Variants in MFHAS1 observed in about 807,000 individuals in gnomAD.
MFHAS1 encodes multifunctional ROCO family signaling regulator 1.
In MFHAS1, 50 loss-of-function variants were observed where a neutral mutation model predicts 70.4. The observed-to-expected ratio is 0.71, with a 90% CI of 0.57 to 0.90. The LOEUF is 0.90. MFHAS1 is among the 40% of genes least tolerant of loss of function. The pLI is 0.00. For missense variants in MFHAS1, 1,795 were observed against 1,347.6 expected (o/e 1.33, Z -5.20); for synonymous variants, 952 against 620.0 (o/e 1.54, Z -7.96).
intron 1 of MFHAS1, among the ~76,000 whole-genome samples, chr8:8,854,980 G>A (rs1459328710): frequency 3.3e-5 from 5 of 152,082 alleles, no homozygotes; most frequent in Non-Finnish European, 5.9e-5. Flanking sequence ...TACTATCACA[G>A]CTCACTGCAG....
At chr8:8,879,920 G>A (rs958278837) in intron 1 of MFHAS1, among the ~76,000 whole-genome samples, 1 of 152,096 alleles carries the variant, frequency 6.6e-6, no homozygotes, top group African/African-American at 2.4e-5. Context: ...CCTTCATTAG[G>A]TCTTGCCAGT....
Position 8,783,669 on chromosome 8 carries a change from G to C in MFHAS1, c.*2353C>G, listed in dbSNP as rs1421055444. The stretch of plus-strand genomic sequence containing the variant: ...CAGGAATAGAAACCCTAACAAACTT[G>C]GAGGGCATTTGTTTGAGAGGCAAGG... On this transcript the variant is annotated 3_prime_UTR_variant, in exon 3 of 3. Transcript: ENST00000276282. 1.3e-5 allele frequency: 2 copies of C among 152,074 alleles called. No homozygotes were observed. Among genetic ancestry groups the C allele is most frequent in the African/African-American group, 2.4e-5 (1 of 41,416 alleles). 9.4% of individuals were successfully genotyped at this position (152,074 alleles called of 1,614,324 possible). A position where few individuals can be genotyped will look rare whatever the true frequency, so the allele number is the denominator to read the frequency against.
intron 1 of MFHAS1, among the ~76,000 whole-genome samples, chr8:8,833,330 C>T (rs73504224): frequency 0.034 from 5,196 of 152,222 alleles, 233 homozygotes; most frequent in African/African-American, 0.11. Flanking sequence ...TTGGCAGCTT[C>T]CTATAAAGCT....
At chr8:8,824,521 T>TCA (rs57194505) in intron 1 of MFHAS1, among the ~76,000 whole-genome samples, 5,385 of 145,724 alleles carry the variant, frequency 0.037, 119 homozygotes, top group Non-Finnish European at 0.047. Flanking sequence ...TCTCTCTCTT[T>TCA]CACACACACA....
chr8:8,795,870 T>C (rs1255986247), intron 2 of MFHAS1, among the ~76,000 whole-genome samples: 2 of 152,194 alleles, frequency 1.3e-5, no homozygotes, highest in Non-Finnish European at 2.9e-5. Context: ...CTTAGATTCA[T>C]ACATAATTTT....
intron 1 of MFHAS1, among the ~76,000 whole-genome samples, chr8:8,818,564 C>G (rs906767681): frequency 6.6e-6 from 1 of 152,238 alleles, no homozygotes; most frequent in African/African-American, 2.4e-5. Context: ...CTCATCTGTG[C>G]TCTGTGGATA....
At chr8:8,868,637 A>T (rs1281626568) in intron 1 of MFHAS1, among the ~76,000 whole-genome samples, 1 of 152,138 alleles carries the variant, frequency 6.6e-6, no homozygotes, top group Non-Finnish European at 1.5e-5. Context: ...TCACAAACCC[A>T]CAATGAAATA....
chr8:8,831,595 A>G (rs975496356), intron 1 of MFHAS1, among the ~76,000 whole-genome samples: 13 of 151,942 alleles, frequency 8.6e-5, no homozygotes, highest in Non-Finnish European at 1.8e-4. Context: ...GTTCAGAAAT[A>G]GACAAACACA....
At chr8:8,856,877 T>G (rs1358575606) in intron 1 of MFHAS1, among the ~76,000 whole-genome samples, 1 of 147,692 alleles carries the variant, frequency 6.8e-6, no homozygotes, top group Non-Finnish European at 1.5e-5. Context: ...GTTTATACAC[T>G]GCCCTAGAAG....
Position 8,891,289 on chromosome 8 carries a change from G to A in MFHAS1, c.1770C>T (p.Ser590=). ...LARDFELRSA[S]PHAAYYGVSD... is the part of the protein sequence containing the mutation. ...AAACGCCATAGTAGGCTGCGTGGGG[G>A]CTGGCAGAGCGCAGCTCGAAGTCCC... is the stretch of plus-strand genomic sequence containing the variant. The change falls in exon 1 of 3, where the codon AGC becomes AGT. Residue 590 remains serine, a synonymous_variant. Transcript: ENST00000276282. The surrounding 1 kb of genome is among the most constrained non-coding windows in gnomAD (Gnocchi z 5.4). 6.2e-7 allele frequency: 1 copy of A among 1,611,654 alleles called. No homozygotes were observed.
intron 1 of MFHAS1, among the ~76,000 whole-genome samples, chr8:8,832,512 G>C (rs1807440106): frequency 6.6e-6 from 1 of 150,736 alleles, no homozygotes; most frequent in Admixed American, 6.7e-5. Flanking sequence ...TTAGCTATCA[G>C]AAACACAAAC....
intron 1 of MFHAS1, among the ~76,000 whole-genome samples, chr8:8,882,935 C>G (rs1809584756): frequency 1.3e-5 from 2 of 152,022 alleles, no homozygotes; most frequent in Non-Finnish European, 1.5e-5. Flanking sequence ...GGAGGATCAT[C>G]TGAGGTCAGG....
chr8:8,809,556 G>A (rs895282942), intron 1 of MFHAS1, among the ~76,000 whole-genome samples: 9 of 152,168 alleles, frequency 5.9e-5, no homozygotes, highest in East Asian at 1.9e-4. Flanking sequence ...CCCTGCAGAC[G>A]CGTGTGCCAC....
At chr8:8,843,625 C>G (rs1383962246) in intron 1 of MFHAS1, among the ~76,000 whole-genome samples, 1 of 152,056 alleles carries the variant, frequency 6.6e-6, no homozygotes, top group South Asian at 2.1e-4. Context: ...AGAGAGAAAG[C>G]AGGGAGCGGG....
chr8:8,799,656 T>G (rs1806019677), intron 1 of MFHAS1, among the ~76,000 whole-genome samples: 1 of 152,176 alleles, frequency 6.6e-6, no homozygotes, highest in Non-Finnish European at 1.5e-5. Context: ...TTCGGGAGGC[T>G]GAGGCATGAG....
rs1286336017 is a variant in MFHAS1, at chr8:8,795,034, C to T, written c.3125+2331G>A. ...CGCAAATGGATATTTTAACTCCTAC[C>T]TCTATCGCACCTATTCGACGGCACT... On this transcript the variant is annotated intron_variant, in intron 2 of 2. Coordinates refer to ENST00000276282, the MANE Select transcript of MFHAS1 (RefSeq NM_004225.3). Among the ~76,000 whole-genome samples, 6 of 152,194 alleles carry T rather than the reference C, an allele frequency of 3.9e-5. No homozygotes were observed. The East Asian group carries it at 9.6e-4, about 24-fold the overall frequency.
chr8:8,791,803 A>T lies in MFHAS1; in HGVS notation c.3125+5562T>A, dbSNP rs1039061175. On this transcript the variant is annotated intron_variant, in intron 2 of 2. Transcript: ENST00000276282. Reference sequence around the variant, plus strand: ...GGGCCTAATTAGGCTGCCATGAAGAAGTTCTAAAGGAGGAGCTCTCCAAGC... The same window carrying T: ...GGGCCTAATTAGGCTGCCATGAAGATGTTCTAAAGGAGGAGCTCTCCAAGC... Among the ~76,000 whole-genome samples, 14 of 152,326 alleles carry T rather than the reference A, an allele frequency of 9.2e-5. 1 individual carries two copies. Among genetic ancestry groups the T allele is most frequent in the African/African-American group, 3.4e-4 (14 of 41,568 alleles).
At chr8:8,826,130 C>T (rs1444886594) in intron 1 of MFHAS1, among the ~76,000 whole-genome samples, 2 of 152,080 alleles carry the variant, frequency 1.3e-5, no homozygotes, top group Non-Finnish European at 2.9e-5. Context: ...GGAAAGAACA[C>T]TATAAAGTGA....
chr8:8,809,521 GCCACTCACTCGTCCCA>G (rs1373048772), intron 1 of MFHAS1, among the ~76,000 whole-genome samples: 3 of 152,138 alleles, frequency 2.0e-5, no homozygotes, highest in Non-Finnish European at 4.4e-5. Flanking sequence ...GCCTCTTCCC[GCCACTCACTCGTCCCA>G]CCACGCCTCC....
Sources: gnomAD v4.1 joint callset for allele counts (sites outside exome capture counted in the v4.1 genomes callset) on GRCh38, gnomAD v4.1.1 for gene constraint, Gnocchi (gnomAD v3.1) non-coding constraint, MANE v1.5 for transcripts, NCBI Gene and HGNC (gene_info 2026-07-23, HGNC 2026-07-21) for gene names.